PHF19: variants seen among roughly 807,000 people sequenced by gnomAD.
PHF19 encodes the protein PHD finger protein 19.
In PHF19, 21 loss-of-function variants were observed where a neutral mutation model predicts 79.8. The observed-to-expected ratio is 0.26, with a 90% CI of 0.19 to 0.38. The LOEUF is 0.38. Ranked by LOEUF, PHF19 falls within the 10% of genes least tolerant of loss-of-function variation. The pLI is 1.00. For synonymous variants in PHF19, 273 were observed against 296.3 expected, an observed-to-expected ratio of 0.92 and a Z score of 0.81; for missense variants, 445 against 744.2, an observed-to-expected ratio of 0.60 and a Z score of 4.68.
chr9:120,871,456 A>G (rs1180440286), intron 3 of PHF19, among the ~76,000 whole-genome samples: 2 of 152,236 alleles, frequency 1.3e-5, no homozygotes, highest in Non-Finnish European at 2.9e-5. Context: ...AATTCAGTTA[A>G]TGTTCTCATT....
At chr9:120,871,986 C>G (rs1159561594) in intron 3 of PHF19, among the ~76,000 whole-genome samples, 1 of 125,812 alleles carries the variant, frequency 7.9e-6, no homozygotes. Flanking sequence ...TGCTGTGAGC[C>G]GAGATCAAGC....
Position 120,858,219 on chromosome 9 carries a change from A to T in PHF19, c.1468T>A (p.Trp490Arg), listed in dbSNP as rs1435446962. The T allele has an allele frequency of 1.3e-6, 2 of 1,580,636 alleles. No homozygotes were observed. Among genetic ancestry groups the T allele is most frequent in the Admixed American group, 3.4e-5 (2 of 58,484 alleles). Reference sequence around the variant, plus strand: ...CAGCGTCCATCCAGCTCAGCTGCCCACCGCTTTGCCCGCAGGGGCATGTAT... The same window carrying T: ...CAGCGTCCATCCAGCTCAGCTGCCCTCCGCTTTGCCCGCAGGGGCATGTAT... ...KAYMPLRAKR[W>R]AAELDGRCPS... Residue 490 changes from tryptophan (W) to arginine (R), a missense_variant, in exon 15 of 15, where the codon TGG (tryptophan) becomes AGG (arginine). Trp to Arg is a moderately radical substitution (Grantham distance 101). Around this residue, in one of 5 missense-constraint regions of PHF19, gnomAD observed 125 missense variants for 180.5 expected, o/e 0.69. Coordinates refer to ENST00000373896, the MANE Select transcript of PHF19 (RefSeq NM_015651.3).
intron 1 of PHF19, 126 bp downstream of exon 1, chr9:120,876,965 T>A: frequency 1.1e-6 from 1 of 941,308 alleles, no homozygotes. Flanking sequence ...AGAGCCCCGC[T>A]CCGCAGGAGT....
rs1325153875 is a variant in PHF19 at position 120,869,721 on chromosome 9, T to C, written c.465+124A>G. The C allele has an allele frequency of 3.2e-6, 5 of 1,562,388 alleles. No homozygotes were observed. In the Admixed American group the frequency reaches 5.8e-5, roughly 18 times the overall value. On this transcript the variant is annotated intron_variant, in intron 5 of 14. Coordinates refer to ENST00000373896, the MANE Select transcript of PHF19 (RefSeq NM_015651.3). This position sits in a 1 kb window ranked among gnomAD's most constrained non-coding sequence, Gnocchi z 5.8. ...TGGCCAAGGACAGTGGCAGAGGCGC[T>C]ATCTGTCTCCAAAGCCCAGGTGTGG...
chr9:120,896,081 C>T (rs185400595), upstream of PHF19, among the ~76,000 whole-genome samples: 8 of 152,342 alleles, frequency 5.3e-5, no homozygotes, highest in African/African-American at 9.6e-5. Flanking sequence ...CCTCACCTCT[C>T]TGAGCCTCAG....
At chr9:120,890,960 T>G (rs2131597969) in intron 1 of PHF19, among the ~76,000 whole-genome samples, 1 of 152,286 alleles carries the variant, frequency 6.6e-6, no homozygotes, top group Middle Eastern at 3.4e-3. Flanking sequence ...CCCCCACCCT[T>G]TAACCCAGGT....
At chr9:120,884,374 G>C (rs1347817785) in intron 1 of PHF19, among the ~76,000 whole-genome samples, 1 of 151,916 alleles carries the variant, frequency 6.6e-6, no homozygotes, top group Non-Finnish European at 1.5e-5. Flanking sequence ...TGAGGTGGAT[G>C]AGCTCCTGGC....
intron 9 of PHF19, 95 bp from the exon 10 acceptor site, chr9:120,864,211 T>G: frequency 9.9e-7 from 1 of 1,011,538 alleles, no homozygotes; most frequent in Non-Finnish European, 1.5e-6. Context: ...TCCTGATGCT[T>G]CTGAGTCCTT....
chr9:120,872,037 C>CAGAAA (rs1491425777), intron 3 of PHF19, among the ~76,000 whole-genome samples: 10 of 30,316 alleles, frequency 3.3e-4, no homozygotes, highest in African/African-American at 1.3e-3. Context: ...GACTCTGTCT[C>CAGAAA]AAAAAAAAAA....
At position 120,860,345 on chromosome 9, in the gene PHF19, C is replaced by A. The variant is rs770155647; in HGVS notation, c.1305-160G>T. On this transcript the variant is annotated intron_variant, in intron 13 of 14. Coordinates refer to ENST00000373896, the MANE Select transcript of PHF19 (RefSeq NM_015651.3). This position sits in a 1 kb window ranked among gnomAD's most constrained non-coding sequence, Gnocchi z 4.1. The stretch of plus-strand genomic sequence containing the variant: ...CCACACCTGTCTGTTTCCTACCCAG[C>A]CACCCTTCAAAGTCCAAGAAGTCAA... 241 of 597,326 alleles carry A rather than the reference C, an allele frequency of 4.0e-4. No homozygotes were observed. The highest frequency in any genetic ancestry group is 2.7e-3 in the Admixed American group (101 of 37,812). The allele number at this position is 597,326 out of a possible 1,614,324, so 37.0% of individuals were successfully genotyped here.
chr9:120,885,592 A>C (rs2046252082), intron 1 of PHF19, among the ~76,000 whole-genome samples: 1 of 151,558 alleles, frequency 6.6e-6, no homozygotes, highest in East Asian at 1.9e-4. Context: ...AAAAAAAAAA[A>C]AAAACAAAGC....
chr9:120,886,549 C>G, intron 1 of PHF19, among the ~76,000 whole-genome samples: 1 of 152,346 alleles, frequency 6.6e-6, no homozygotes, highest in South Asian at 2.1e-4. Context: ...TTTATTCACT[C>G]ATCCTTCACG....
chr9:120,888,120 G>A (rs747493309), intron 1 of PHF19, among the ~76,000 whole-genome samples: 4 of 152,206 alleles, frequency 2.6e-5, no homozygotes, highest in Non-Finnish European at 4.4e-5. Flanking sequence ...CTACAGGCAT[G>A]CGCCACCACT....
chr9:120,893,118 A>G (rs1220485034), intron 1 of PHF19, among the ~76,000 whole-genome samples: 5 of 152,246 alleles, frequency 3.3e-5, no homozygotes, highest in Admixed American at 2.6e-4. Flanking sequence ...TGTAACAGGC[A>G]CTTAATAAGT....
rs1350553781 is a variant in PHF19, at chr9:120,858,233, A to G, written c.1454T>C (p.Leu485Pro). 1.3e-6 allele frequency: 2 copies of G among 1,569,670 alleles called. No individual in the cohort carries two copies. Among genetic ancestry groups the G allele is most frequent in the Admixed American group, 3.5e-5 (2 of 57,476 alleles). Residue 485 changes from leucine (L) to proline (P), a missense_variant, in exon 15 of 15, where the codon CTG becomes CCG. Coordinates refer to ENST00000373896, the MANE Select transcript of PHF19 (RefSeq NM_015651.3). ...RKLAAKAYMPLRAKRWAAELD... is the reference protein window; with the variant it reads ...RKLAAKAYMPPRAKRWAAELD... Reference sequence around the variant, plus strand: ...CTCAGCTGCCCACCGCTTTGCCCGCAGGGGCATGTATGCCTTGGCTGCCAG... The same window carrying G: ...CTCAGCTGCCCACCGCTTTGCCCGCGGGGGCATGTATGCCTTGGCTGCCAG...
Position 120,856,413 on chromosome 9 carries a change from G to A in PHF19, c.*1531C>T, listed in dbSNP as rs1044321869. The A allele has an allele frequency of 6.6e-5, 10 of 152,478 alleles. No homozygotes were observed. The highest frequency in any genetic ancestry group is 2.1e-4 in the South Asian group (1 of 4,832). 9.4% of individuals were successfully genotyped at this position (152,478 alleles called of 1,614,324 possible). On this transcript the variant is annotated 3_prime_UTR_variant, in exon 15 of 15. Transcript: ENST00000373896. ...TGCCTCTTGCTGTACTACCACCTTC[G>A]CCTTCCTGCTGGCGGCCTGCAAAAC...
upstream of PHF19, chr9:120,877,209 T>TCGGGGTCTCGGCGGGGG: frequency 1.2e-6 from 1 of 804,560 alleles, no homozygotes; most frequent in Non-Finnish European, 1.5e-6. Flanking sequence ...GGGGCCGGGG[T>TCGGGGTCTCGGCGGGGG]CGGGGTCTCG....
At chr9:120,890,994 T>A (rs954785403) in intron 1 of PHF19, among the ~76,000 whole-genome samples, 1 of 152,014 alleles carries the variant, frequency 6.6e-6, no homozygotes, top group Non-Finnish European at 1.5e-5. Flanking sequence ...TTCACCCCTC[T>A]CCCCGGAATT....
At chr9:120,884,082 T>G (rs897852896) in intron 1 of PHF19, among the ~76,000 whole-genome samples, 2 of 152,220 alleles carry the variant, frequency 1.3e-5, no homozygotes, top group Non-Finnish European at 2.9e-5. Context: ...TTATAAAGGT[T>G]GTTATATAAA....
Sources: allele counts gnomAD v4.1 joint callset (sites outside exome capture counted in the v4.1 genomes callset), GRCh38; gene constraint gnomAD v4.1.1; regional missense constraint gnomAD v4.1.1; non-coding constraint Gnocchi (gnomAD v3.1); transcripts MANE v1.5; gene names NCBI Gene and HGNC (gene_info 2026-07-23, HGNC 2026-07-21).